RBM41: variants seen among roughly 807,000 people sequenced by gnomAD.
RBM41 encodes the protein RNA-binding protein 41.
Under a neutral mutation model 30.8 loss-of-function variants are expected in RBM41, and 14 were observed. That is an observed-to-expected ratio of 0.45 (90% CI 0.30 to 0.71). The LOEUF is 0.71. RBM41 is among the 30% of genes least tolerant of loss of function. The pLI is 0.08. For synonymous variants in RBM41, 120 were observed against 110.1 expected (o/e 1.09, Z -0.56); for missense variants, 276 against 326.3 (o/e 0.85, Z 1.19).
chrX:107,059,164 C>T (rs192648851), downstream of RBM41, among the ~76,000 whole-genome samples: 1 of 111,497 alleles, frequency 9.0e-6, no homozygotes, highest in Non-Finnish European at 1.9e-5. Context: ...CCTGAGGCCT[C>T]GCCCTTCTGA....
At chrX:107,102,594 A>G (rs1390905599) in intron 5 of RBM41, among the ~76,000 whole-genome samples, 1 of 111,356 alleles carries the variant, frequency 9.0e-6, no homozygotes, top group African/African-American at 3.3e-5. Flanking sequence ...GAGACTGACA[A>G]TGTTTTTGAG....
At chrX:107,053,534 G>A in the RBM41 span, among the ~76,000 whole-genome samples, 1 of 112,844 alleles carries the variant, frequency 8.9e-6, no homozygotes, top group African/African-American at 3.2e-5. Flanking sequence ...TCAGGAACAG[G>A]GATTGAAATG....
At chrX:107,099,690 T>TACACACACACACAC (rs58279760) in intron 5 of RBM41, among the ~76,000 whole-genome samples, 1 of 92,537 alleles carries the variant, frequency 1.1e-5, no homozygotes, top group African/African-American at 3.9e-5. Flanking sequence ...TCCTGAAAGG[T>TACACACACACACAC]ACACACACAC....
At chrX:107,082,269 A>C (rs1487558773) in intron 6 of RBM41, among the ~76,000 whole-genome samples, 1 of 111,902 alleles carries the variant, frequency 8.9e-6, no homozygotes, top group South Asian at 3.6e-4. Flanking sequence ...TGAAGTGACC[A>C]TATGATTTTA....
chrX:107,103,551 G>C (rs6616628), intron 5 of RBM41, among the ~76,000 whole-genome samples: 33,268 of 110,217 alleles, frequency 0.3, 4,800 homozygotes, highest in African/African-American at 0.54. Context: ...ACTGTGGAGA[G>C]GATAAATTTC....
chrX:107,087,327 G>A (rs781478405), intron 6 of RBM41, among the ~76,000 whole-genome samples: 15 of 110,496 alleles, frequency 1.4e-4, no homozygotes, highest in South Asian at 3.8e-4. Flanking sequence ...AAATACCCCC[G>A]AACTATTAGA....
chrX:107,085,574 A>G (rs2147944677), intron 6 of RBM41, among the ~76,000 whole-genome samples: 1 of 111,579 alleles, frequency 9.0e-6, no homozygotes, highest in South Asian at 3.8e-4. Context: ...TATGTTCACC[A>G]ATACTTGGCA....
intron 6 of RBM41, among the ~76,000 whole-genome samples, chrX:107,076,342 A>AATAC (rs2147901552): frequency 9.3e-6 from 1 of 106,964 alleles, no homozygotes; most frequent in Non-Finnish European, 1.9e-5. Flanking sequence ...TAAATAAATA[A>AATAC]ATAAATAAAT....
intron 5 of RBM41, among the ~76,000 whole-genome samples, chrX:107,102,691 G>T (rs928104888): frequency 2.1e-4 from 23 of 111,421 alleles, no homozygotes; most frequent in African/African-American, 7.5e-4. Context: ...CAAGAGCAAA[G>T]CCACAGACAT....
At chrX:107,080,380 ACCAGCCTGGCCAATATGGCGAAACC>A (rs1313335776) in intron 6 of RBM41, among the ~76,000 whole-genome samples, 2 of 111,292 alleles carry the variant, frequency 1.8e-5, no homozygotes, top group Non-Finnish European at 3.8e-5. Flanking sequence ...GGAGTTTGAG[ACCAGCCTGGCCAATATGGCGAAACC>A]CCATCTCTAC....
intron 5 of RBM41, among the ~76,000 whole-genome samples, chrX:107,098,180 T>G (rs1259546501): frequency 8.9e-6 from 1 of 111,836 alleles, no homozygotes; most frequent in East Asian, 2.8e-4. Flanking sequence ...AAAGGTACCA[T>G]GTTCACATTT....
downstream of RBM41, among the ~76,000 whole-genome samples, chrX:107,060,724 T>C (rs1935626407): frequency 9.0e-6 from 1 of 111,536 alleles, no homozygotes; most frequent in Non-Finnish European, 1.9e-5. Flanking sequence ...CAAGAACCAT[T>C]GATGAATGCT....
At chrX:107,094,045 C>T (rs1207929311) in intron 5 of RBM41, among the ~76,000 whole-genome samples, 1 of 111,581 alleles carries the variant, frequency 9.0e-6, no homozygotes, top group African/African-American at 3.3e-5. Flanking sequence ...AAAGAAAAAA[C>T]GAATAACAAG....
At chrX:107,061,440 T>C (rs1261519973), downstream of RBM41, among the ~76,000 whole-genome samples, 1 of 112,154 alleles carries the variant, frequency 8.9e-6, no homozygotes, top group South Asian at 3.7e-4. Context: ...TATTTTCTTT[T>C]CAACAAATTT....
chrX:107,105,229 C>A (rs1011976884), intron 5 of RBM41, among the ~76,000 whole-genome samples: 9 of 110,575 alleles, frequency 8.1e-5, no homozygotes, highest in Non-Finnish European at 1.7e-4. Context: ...CAATAACAGA[C>A]AAACAGAGAG....
At chrX:107,096,795 A>G (rs1923020826) in intron 5 of RBM41, among the ~76,000 whole-genome samples, 1 of 112,064 alleles carries the variant, frequency 8.9e-6, no homozygotes, top group African/African-American at 3.2e-5. Flanking sequence ...GAAAATAAAG[A>G]CAAGCTACAG....
intron 6 of RBM41, among the ~76,000 whole-genome samples, chrX:107,082,065 TGGGG>T (rs1921571237): frequency 4.5e-5 from 5 of 111,683 alleles, no homozygotes; most frequent in African/African-American, 1.6e-4. Flanking sequence ...CAAAAAGAAG[TGGGG>T]AAAGGGGACA....
At chrX:107,052,407 T>C in the RBM41 span, among the ~76,000 whole-genome samples, 1,032 of 111,124 alleles carry the variant, frequency 9.3e-3, 7 homozygotes, top group Non-Finnish European at 0.014. Context: ...GGCTTAGGGA[T>C]TCTTAGTCGG....
chrX:107,115,285 T>G, intron 4 of RBM41, 67 bp downstream of exon 4: 6 of 1,104,522 alleles, frequency 5.4e-6, no homozygotes, highest in Non-Finnish European at 7.5e-6. Context: ...CTCTTCATAT[T>G]TAATGCCCTG....
Sources: gnomAD v4.1 joint callset for allele counts (sites outside exome capture counted in the v4.1 genomes callset) on GRCh38, gnomAD v4.1.1 for gene constraint, MANE v1.5 for transcripts, NCBI Gene and HGNC (gene_info 2026-07-23, HGNC 2026-07-21) for gene names.